TEAD1: variants seen among roughly 807,000 people sequenced by gnomAD.
TEAD1 encodes the protein TEA domain transcription factor 1.
A neutral mutation model predicts 54.9 loss-of-function variants in TEAD1; 9 were observed. The observed-to-expected ratio is 0.16, with a 90% CI of 0.10 to 0.29. The LOEUF is 0.29. TEAD1 is among the 10% of genes least tolerant of loss of function. TEAD1 has a pLI of 1.00. For synonymous variants in TEAD1, 200 were observed against 187.8 expected, an observed-to-expected ratio of 1.07 and a Z score of -0.53; for missense variants, 387 against 535.9, an observed-to-expected ratio of 0.72 and a Z score of 2.74.
intron 2 of TEAD1, among the ~76,000 whole-genome samples, chr11:12,745,302 A>G (rs919620915): frequency 2.6e-5 from 4 of 152,202 alleles, no homozygotes; most frequent in Non-Finnish European, 5.9e-5. Flanking sequence ...TTCTGGCCAC[A>G]CTAGGAGTAG....
intron 3 of TEAD1, among the ~76,000 whole-genome samples, chr11:12,801,472 A>G (rs1946058842): frequency 6.6e-6 from 1 of 152,202 alleles, no homozygotes; most frequent in Non-Finnish European, 1.5e-5. Context: ...TCTGTTGAGT[A>G]CTTACTATAG....
intron 10 of TEAD1, among the ~76,000 whole-genome samples, chr11:12,920,912 T>C (rs892163808): frequency 6.6e-6 from 1 of 152,234 alleles, no homozygotes; most frequent in African/African-American, 2.4e-5. Flanking sequence ...GTGCAGCCAC[T>C]AGAAAGTGTG....
intron 3 of TEAD1, among the ~76,000 whole-genome samples, chr11:12,810,024 A>C (rs1227120202): frequency 7.8e-6 from 1 of 127,556 alleles, no homozygotes; most frequent in African/African-American, 3.1e-5. Context: ...TCTGTCGTCC[A>C]GGCTGTAGTG....
intron 3 of TEAD1, among the ~76,000 whole-genome samples, chr11:12,775,695 A>G (rs1945402239): frequency 6.6e-6 from 1 of 152,190 alleles, no homozygotes; most frequent in Non-Finnish European, 1.5e-5. Flanking sequence ...CCTAGAAAAA[A>G]ATCTGGAGGA....
intron 2 of TEAD1, among the ~76,000 whole-genome samples, chr11:12,730,416 GTTTTTTTTTTTTTTT>G (rs59731479): frequency 3.3e-5 from 2 of 60,236 alleles, no homozygotes; most frequent in East Asian, 5.4e-4. Flanking sequence ...CCAGTTGAGT[GTTTTTTTTTTTTTTT>G]TTTTTTTTTT....
intron 3 of TEAD1, among the ~76,000 whole-genome samples, chr11:12,772,327 T>G (rs1412930223): frequency 6.6e-6 from 1 of 152,104 alleles, no homozygotes; most frequent in Non-Finnish European, 1.5e-5. Flanking sequence ...GCCATTTGGT[T>G]AGTTGGGGAA....
At chr11:12,714,551 G>A (rs1944013571) in intron 2 of TEAD1, among the ~76,000 whole-genome samples, 1 of 152,128 alleles carries the variant, frequency 6.6e-6, no homozygotes, top group South Asian at 2.1e-4. Flanking sequence ...CCTGGCCTAG[G>A]CACTGAAGAT....
intron 2 of TEAD1, among the ~76,000 whole-genome samples, chr11:12,755,101 G>A (rs779021263): frequency 1.4e-4 from 21 of 152,210 alleles, no homozygotes; most frequent in Admixed American, 9.8e-4. Flanking sequence ...AACAGACTGT[G>A]TAACATTGGG....
intron 2 of TEAD1, among the ~76,000 whole-genome samples, chr11:12,687,541 G>A (rs916937050): frequency 6.6e-6 from 1 of 152,186 alleles, no homozygotes; most frequent in Non-Finnish European, 1.5e-5. Flanking sequence ...GGCTAACAAA[G>A]GACTGCACAT....
chr11:12,809,601 G>T (rs567714063), intron 3 of TEAD1, among the ~76,000 whole-genome samples: 1 of 152,180 alleles, frequency 6.6e-6, no homozygotes, highest in Non-Finnish European at 1.5e-5. Flanking sequence ...CAGCCAGGAC[G>T]TGGGGCCCAG....
At chr11:12,883,150 C>T (rs199866654) in intron 9 of TEAD1, 25 bp downstream of exon 9, 7 of 1,613,964 alleles carry the variant, frequency 4.3e-6, no homozygotes, top group Non-Finnish European at 5.9e-6. Context: ...AGAGGTGTGT[C>T]TTGAATCCAG....
intron 2 of TEAD1, among the ~76,000 whole-genome samples, chr11:12,697,059 C>T (rs1327766543): frequency 1.3e-5 from 2 of 152,102 alleles, no homozygotes; most frequent in Non-Finnish European, 2.9e-5. Flanking sequence ...GGAATTTTCC[C>T]AGTCGTGCCT....
At chr11:12,837,885 C>T (rs1480207670) in intron 3 of TEAD1, among the ~76,000 whole-genome samples, 1 of 150,494 alleles carries the variant, frequency 6.6e-6, no homozygotes, top group African/African-American at 2.5e-5. Context: ...TCAGTGAAAC[C>T]TCTGCCTCCA....
At chr11:12,831,780 CAAA>C (rs10709676) in intron 3 of TEAD1, among the ~76,000 whole-genome samples, 3 of 90,270 alleles carry the variant, frequency 3.3e-5, no homozygotes, top group African/African-American at 3.3e-5. Flanking sequence ...GACGCTGTCT[CAAA>C]AAAAAAAAAA....
At chr11:12,701,615 T>C in intron 2 of TEAD1, among the ~76,000 whole-genome samples, 1 of 152,056 alleles carries the variant, frequency 6.6e-6, no homozygotes, top group East Asian at 1.9e-4. Context: ...TTCAGTTCAT[T>C]GTTTGCGAGT....
chr11:12,884,409 C>T (rs1297727435), intron 9 of TEAD1, among the ~76,000 whole-genome samples: 1 of 152,204 alleles, frequency 6.6e-6, no homozygotes, highest in Non-Finnish European at 1.5e-5. Flanking sequence ...TGTGTGTTGC[C>T]TGCCTTAATG....
intron 10 of TEAD1, among the ~76,000 whole-genome samples, chr11:12,915,768 C>T (rs1948701375): frequency 6.6e-6 from 1 of 152,172 alleles, no homozygotes; most frequent in Non-Finnish European, 1.5e-5. Context: ...CTCTTGAACC[C>T]AGAAGGTCGA....
chr11:12,723,571 T>G (rs1944255023), intron 2 of TEAD1, among the ~76,000 whole-genome samples: 1 of 152,202 alleles, frequency 6.6e-6, no homozygotes, highest in Admixed American at 6.5e-5. Context: ...GTAGCGGGGC[T>G]TTTCCTCTTC....
At chr11:12,835,052 A>G (rs1390806585) in intron 3 of TEAD1, among the ~76,000 whole-genome samples, 1 of 152,168 alleles carries the variant, frequency 6.6e-6, no homozygotes, top group Admixed American at 6.5e-5. Flanking sequence ...GTGACAATAT[A>G]TATCACTTTC....
Sources: allele counts gnomAD v4.1 joint callset (sites outside exome capture counted in the v4.1 genomes callset), GRCh38; gene constraint gnomAD v4.1.1; transcripts MANE v1.5; gene names NCBI Gene and HGNC (gene_info 2026-07-23, HGNC 2026-07-21).